The following SMAD9 variants were observed in gnomAD, a reference collection of about 807,000 sequenced individuals.
SMAD9 encodes MAD homolog 9.
Under a neutral mutation model 46.1 loss-of-function variants are expected in SMAD9, and 36 were observed. The observed-to-expected ratio is 0.78, with a 90% CI of 0.60 to 1.03. SMAD9 has a LOEUF of 1.03. Among genes scored for constraint, SMAD9 ranks in the 50% least tolerant of loss-of-function variants. The probability of loss-of-function intolerance (pLI) is 0.00; values close to 1 mark genes in which losing one functional copy is unlikely to be tolerated. For synonymous variants in SMAD9, 245 were observed against 237.1 expected (o/e 1.03, Z -0.31); for missense variants, 572 against 599.8 (o/e 0.95, Z 0.48).
In SMAD9 at chr13:36,879,293, G is replaced by A. The variant is rs753426997; in HGVS notation, c.397C>T (p.Arg133Trp). Residue 133 changes from arginine to tryptophan, a missense_variant, in exon 2 of 7, where the codon CGG becomes TGG. Arg to Trp is a moderately radical substitution (Grantham distance 101). Transcript: ENST00000379826. ...GACGACCCACCTGGAGTCTCCACCCGGCGGTAGTGGTAAGGGTTAATGCAC... is the reference window on the plus strand; with the variant it reads ...GACGACCCACCTGGAGTCTCCACCCAGCGGTAGTGGTAAGGGTTAATGCAC... ...EVCINPYHYR[R>W]VETPVLPPVL... The A allele has an allele frequency of 3.8e-5, 62 of 1,613,766 alleles. No homozygotes were observed. The highest frequency in any genetic ancestry group is 4.6e-5 in the Non-Finnish European group (54 of 1,179,920).
At chr13:36,916,965 G>C (rs2058703111) in intron 1 of SMAD9, among the ~76,000 whole-genome samples, 1 of 152,146 alleles carries the variant, frequency 6.6e-6, no homozygotes, top group Non-Finnish European at 1.5e-5. Flanking sequence ...TATTTTAACT[G>C]CAGCATAAAA....
At chr13:36,869,842 TG>T (rs2058273682) in intron 3 of SMAD9, among the ~76,000 whole-genome samples, 1 of 145,740 alleles carries the variant, frequency 6.9e-6, no homozygotes, top group Non-Finnish European at 1.5e-5. Context: ...AAAAAAAAAA[TG>T]GTTAAACAAA....
chr13:36,886,867 G>C (rs527803908), intron 1 of SMAD9, among the ~76,000 whole-genome samples: 1 of 152,010 alleles, frequency 6.6e-6, no homozygotes, highest in South Asian at 2.1e-4. Context: ...CAGGGGTGGA[G>C]AGAATTCCAT....
At position 36,846,966 on chromosome 13, in the gene SMAD9, C is replaced by G. The variant is rs529775445; in HGVS notation, c.*1710G>C. On this transcript the variant is annotated 3_prime_UTR_variant, in exon 7 of 7. Coordinates refer to ENST00000379826, the MANE Select transcript of SMAD9 (RefSeq NM_001127217.3). ...ACAGTACCTAACATTGTACCTGACA[C>G]CCATAGGTAGGTGCACAATACATAG... 9 of 152,284 alleles carry G rather than the reference C, an allele frequency of 5.9e-5. No individual in the cohort carries two copies. The highest frequency in any genetic ancestry group is 5.2e-4 in the Admixed American group (8 of 15,302). 9.4% of individuals were successfully genotyped at this position (152,284 alleles called of 1,614,324 possible).
chr13:36,893,266 T>C (rs535695614), intron 1 of SMAD9, among the ~76,000 whole-genome samples: 2 of 151,954 alleles, frequency 1.3e-5, no homozygotes, highest in Non-Finnish European at 2.9e-5. Context: ...TTGTTGATAG[T>C]GGGGAAAAAT....
intron 1 of SMAD9, among the ~76,000 whole-genome samples, chr13:36,908,897 T>C (rs1240294304): frequency 6.6e-6 from 1 of 152,174 alleles, no homozygotes; most frequent in African/African-American, 2.4e-5. Context: ...GGGATATATG[T>C]GGCCCAAATG....
chr13:36,859,948 G>A lies in SMAD9; in HGVS notation c.1003+5589C>T, dbSNP rs554808086. On this transcript the variant is annotated intron_variant, in intron 5 of 6. Coordinates refer to ENST00000379826, the MANE Select transcript of SMAD9 (RefSeq NM_001127217.3). Reference sequence around the variant, plus strand: ...GCACTCCAGCCTGGGCAACAAGAGCGAAACTCCATCTCAAAAAAAAAAAGA... The same window carrying A: ...GCACTCCAGCCTGGGCAACAAGAGCAAAACTCCATCTCAAAAAAAAAAAGA... Among the ~76,000 whole-genome samples, 27 of 147,402 alleles carry A rather than the reference G, an allele frequency of 1.8e-4. 1 individual carries two copies. The South Asian group carries it at 5.6e-3, about 31-fold the overall frequency.
At chr13:36,896,741 C>T (rs992201629) in intron 1 of SMAD9, among the ~76,000 whole-genome samples, 2 of 137,308 alleles carry the variant, frequency 1.5e-5, no homozygotes, top group Non-Finnish European at 3.1e-5. Flanking sequence ...CCCAGAGAAA[C>T]CAATCACTAC....
At chr13:36,865,484 T>A in intron 5 of SMAD9, 53 bp downstream of exon 5, 1 of 1,465,632 alleles carries the variant, frequency 6.8e-7, no homozygotes, top group Non-Finnish European at 9.5e-7. Flanking sequence ...TCTACACACA[T>A]GACCATCTAC....
At chr13:36,872,428 T>C (rs1179929065) in intron 3 of SMAD9, among the ~76,000 whole-genome samples, 1 of 151,714 alleles carries the variant, frequency 6.6e-6, no homozygotes, top group Admixed American at 6.6e-5. Context: ...ATTTAGTTTC[T>C]GAGAGCTTCC....
Position 36,879,742 on chromosome 13 carries a change from C to G in SMAD9, c.-53G>C, listed in dbSNP as rs920173781. 44 of 1,605,600 alleles carry G rather than the reference C, an allele frequency of 2.7e-5. No individual in the cohort carries two copies. The highest frequency in any genetic ancestry group is 2.2e-4 in the Middle Eastern group (1 of 4,632). On this transcript the variant is annotated 5_prime_UTR_variant, in exon 2 of 7. Transcript: ENST00000379826. Reference sequence around the variant, plus strand: ...ACGGGAACCGCACAGCCCTTCACGGCAAAGTGGGCGGCGAGTAGCTCTCCA... The same window carrying G: ...ACGGGAACCGCACAGCCCTTCACGGGAAAGTGGGCGGCGAGTAGCTCTCCA...
At chr13:36,867,199 G>T in intron 4 of SMAD9, 74 bp downstream of exon 4, 2 of 1,002,644 alleles carry the variant, frequency 2.0e-6, no homozygotes, top group South Asian at 1.4e-5. Context: ...TTTCTTTTTT[G>T]AGTTGCTTTG....
At chr13:36,864,517 C>T (rs1460590910) in intron 5 of SMAD9, among the ~76,000 whole-genome samples, 1 of 152,168 alleles carries the variant, frequency 6.6e-6, no homozygotes. Context: ...CCCCTCGACC[C>T]GTTTCTGATT....
At chr13:36,908,727 A>AT (rs2058637388) in intron 1 of SMAD9, among the ~76,000 whole-genome samples, 1 of 152,268 alleles carries the variant, frequency 6.6e-6, no homozygotes, top group Non-Finnish European at 1.5e-5. Context: ...AGGAAAAAAA[A>AT]GAAGTGAAAA....
chr13:36,862,923 C>T (rs548944719), intron 5 of SMAD9, among the ~76,000 whole-genome samples: 8 of 152,302 alleles, frequency 5.3e-5, no homozygotes, highest in African/African-American at 1.9e-4. Context: ...TCTGTCTTTC[C>T]CCAGCAGCAA....
intron 1 of SMAD9, among the ~76,000 whole-genome samples, chr13:36,905,812 A>C (rs980666291): frequency 1.8e-5 from 2 of 110,594 alleles, no homozygotes; most frequent in African/African-American, 7.2e-5. Context: ...AAAAAAAAAA[A>C]AAACTTATAT....
chr13:36,852,049 T>G (rs1204011764), intron 6 of SMAD9: 15 of 970,442 alleles, frequency 1.5e-5, no homozygotes, highest in Middle Eastern at 5.2e-4. Context: ...ATTTCGAAGT[T>G]ATTTGTTAAT....
chr13:36,875,413 C>CA (rs1257185402), intron 2 of SMAD9, among the ~76,000 whole-genome samples: 1 of 152,094 alleles, frequency 6.6e-6, no homozygotes, highest in Non-Finnish European at 1.5e-5. Flanking sequence ...GTGAGGGTGG[C>CA]AGAGAAACAA....
chr13:36,874,282 C>A (rs2058324240), intron 2 of SMAD9, among the ~76,000 whole-genome samples: 1 of 152,182 alleles, frequency 6.6e-6, no homozygotes, highest in South Asian at 2.1e-4. Flanking sequence ...CCTAGTCTTT[C>A]CATCTTGAAT....
Sources: gnomAD v4.1 joint callset for allele counts (sites outside exome capture counted in the v4.1 genomes callset) on GRCh38, gnomAD v4.1.1 for gene constraint, MANE v1.5 for transcripts, NCBI Gene and HGNC (gene_info 2026-07-23, HGNC 2026-07-21) for gene names.